The following CDADC1 variants were observed in gnomAD, a reference collection of about 807,000 sequenced individuals.
CDADC1 encodes dCTP deaminase.
Under a neutral mutation model 54.9 loss-of-function variants are expected in CDADC1, and 39 were observed. The ratio of observed to expected loss-of-function variants is 0.71; its 90% CI spans 0.55 to 0.93. CDADC1 has a LOEUF of 0.93. CDADC1 is among the 40% of genes least tolerant of loss of function. The pLI, the probability that CDADC1 is intolerant of heterozygous loss-of-function variation, is 0.00. For missense variants in CDADC1, 518 were observed against 618.8 expected (o/e 0.84, Z 1.73); for synonymous variants, 186 against 204.0 (o/e 0.91, Z 0.75).
chr13:49,266,239 G>A (rs967408937), intron 4 of CDADC1, among the ~76,000 whole-genome samples: 1 of 152,068 alleles, frequency 6.6e-6, no homozygotes. Context: ...GTTATAAACT[G>A]TTCATTAATT....
At chr13:49,288,415 T>G (rs917379613) in intron 9 of CDADC1, among the ~76,000 whole-genome samples, 3 of 152,208 alleles carry the variant, frequency 2.0e-5, no homozygotes, top group African/African-American at 7.2e-5. Context: ...TTTCAGAACA[T>G]TTTCATTATC....
chr13:49,268,705 G>GT (rs1942581590), intron 5 of CDADC1, among the ~76,000 whole-genome samples: 1 of 152,078 alleles, frequency 6.6e-6, no homozygotes, highest in African/African-American at 2.4e-5. Flanking sequence ...ATTCATTTTT[G>GT]TTAACTCTTC....
intron 6 of CDADC1, among the ~76,000 whole-genome samples, chr13:49,274,888 A>G (rs866037451): frequency 1.3e-5 from 2 of 152,212 alleles, no homozygotes; most frequent in South Asian, 4.1e-4. Flanking sequence ...GAAGTAAAAT[A>G]TAACTGATAT....
chr13:49,280,603 A>C lies in CDADC1; in HGVS notation c.1315A>C (p.Lys439Gln). ...CVPLIKGAGIKQIYAGDVDVG... is the reference protein window; with the variant it reads ...CVPLIKGAGIQQIYAGDVDVG... ...ACCTTTAATTAAAGGTGCAGGCATA[A>C]AACAAATCTATGCAGGAGATGTAGA... is the stretch of plus-strand genomic sequence containing the variant. Residue 439 changes from lysine to glutamine, a missense_variant, in exon 8 of 10, where the codon AAA (lysine) becomes CAA (glutamine). Transcript: ENST00000251108. 1 of 1,601,746 alleles carries C rather than the reference A, an allele frequency of 6.2e-7. No homozygotes were observed. The highest frequency in any genetic ancestry group is 8.5e-7 in the Non-Finnish European group (1 of 1,174,228).
At chr13:49,274,613 G>A (rs1048896609) in intron 6 of CDADC1, among the ~76,000 whole-genome samples, 1 of 152,032 alleles carries the variant, frequency 6.6e-6, no homozygotes, top group East Asian at 1.9e-4. Context: ...CGAGCTTGCT[G>A]TGAGCAGAGA....
chr13:49,268,307 C>A (rs900680996), intron 5 of CDADC1, among the ~76,000 whole-genome samples: 5 of 151,978 alleles, frequency 3.3e-5, no homozygotes, highest in African/African-American at 1.2e-4. Flanking sequence ...GCCCTTCTTT[C>A]TGCTTCTTGC....
At chr13:49,249,099 C>A in intron 2 of CDADC1, 134 bp downstream of exon 2, 1 of 619,510 alleles carries the variant, frequency 1.6e-6, no homozygotes, top group Non-Finnish European at 2.9e-6. Context: ...TATTGATTAA[C>A]ATGACACTTT....
At chr13:49,249,207 C>T (rs1952367439) in intron 2 of CDADC1, among the ~76,000 whole-genome samples, 3 of 152,144 alleles carry the variant, frequency 2.0e-5, no homozygotes, top group Non-Finnish European at 4.4e-5. Flanking sequence ...GTCAGTTCGG[C>T]TAATAAGATT....
intron 4 of CDADC1, among the ~76,000 whole-genome samples, chr13:49,266,752 G>T (rs1365178833): frequency 1.3e-5 from 2 of 152,176 alleles, no homozygotes; most frequent in Non-Finnish European, 2.9e-5. Context: ...TGCACTAAAT[G>T]TGCATGCATG....
At chr13:49,288,344 C>G (rs547072733) in intron 9 of CDADC1, among the ~76,000 whole-genome samples, 4 of 152,288 alleles carry the variant, frequency 2.6e-5, no homozygotes, top group African/African-American at 9.6e-5. Flanking sequence ...TGTAATTCAT[C>G]TATCATAAAT....
chr13:49,266,486 A>C (rs1453365133), intron 4 of CDADC1, among the ~76,000 whole-genome samples: 1 of 152,206 alleles, frequency 6.6e-6, no homozygotes, highest in Non-Finnish European at 1.5e-5. Context: ...ACACTGATTG[A>C]AAAATGATCT....
In CDADC1 at chr13:49,255,863, C is replaced by A; in HGVS notation, c.202C>A (p.Pro68Thr). 2.5e-6 allele frequency: 4 copies of A among 1,610,522 alleles called. No homozygotes were observed. The highest frequency in any genetic ancestry group is 3.4e-6 in the Non-Finnish European group (4 of 1,178,950). The change falls in exon 3 of 10, where the codon CCC becomes ACC. Residue 68 changes from proline to threonine, a missense_variant. Pro to Thr is a conservative substitution (Grantham distance 38). Transcript: ENST00000251108. ...SQKNEEGKHG[P>T]LGDNEERTRV... ...GAAAAATGAAGAGGGAAAGCATGGA[C>A]CCTTAGGAGATAATGAAGAGAGGAC... is the stretch of plus-strand genomic sequence containing the variant.
intron 4 of CDADC1, among the ~76,000 whole-genome samples, chr13:49,262,584 G>A (rs1221539980): frequency 2.0e-5 from 3 of 152,130 alleles, no homozygotes; most frequent in South Asian, 2.1e-4. Flanking sequence ...AGGCTGGAGT[G>A]CAGTGGCACA....
At chr13:49,261,140 C>T (rs1348515660) in intron 4 of CDADC1, among the ~76,000 whole-genome samples, 1 of 152,122 alleles carries the variant, frequency 6.6e-6, no homozygotes, top group Admixed American at 6.5e-5. Flanking sequence ...AACAGAGTTC[C>T]TAGGCCTGTT....
intron 4 of CDADC1, among the ~76,000 whole-genome samples, chr13:49,264,715 CTA>C (rs1372152729): frequency 2.9e-5 from 4 of 138,602 alleles, no homozygotes; most frequent in African/African-American, 1.1e-4. Context: ...AGACTGGTCT[CTA>C]TTTAAAAAAA....
At chr13:49,266,455 A>G (rs1952816992) in intron 4 of CDADC1, among the ~76,000 whole-genome samples, 1 of 152,176 alleles carries the variant, frequency 6.6e-6, no homozygotes, top group African/African-American at 2.4e-5. Context: ...TATATTAAAC[A>G]TTACTAACCT....
chr13:49,286,415 C>T, intron 9 of CDADC1, 133 bp downstream of exon 9: 2 of 653,438 alleles, frequency 3.1e-6, no homozygotes, highest in Non-Finnish European at 5.3e-6. Context: ...TTTTGCCATT[C>T]AATTTGTTCA....
chr13:49,265,374 G>A (rs952031766), intron 4 of CDADC1, among the ~76,000 whole-genome samples: 9 of 152,138 alleles, frequency 5.9e-5, no homozygotes, highest in African/African-American at 2.2e-4. Flanking sequence ...TCATTCATGA[G>A]GCCAAAGGGC....
chr13:49,259,967 A>G (rs981522986), intron 4 of CDADC1, among the ~76,000 whole-genome samples: 3 of 152,036 alleles, frequency 2.0e-5, no homozygotes, highest in African/African-American at 7.2e-5. Context: ...TATGGCTTGC[A>G]CCTGTAATCC....
Sources: gnomAD v4.1 joint callset for allele counts (sites outside exome capture counted in the v4.1 genomes callset) on GRCh38, gnomAD v4.1.1 for gene constraint, MANE v1.5 for transcripts, NCBI Gene and HGNC (gene_info 2026-07-23, HGNC 2026-07-21) for gene names.